Variants in C3orf22 observed in about 807,000 individuals in gnomAD.
C3orf22 encodes the protein uncharacterized protein C3orf22.
C3orf22 carries 7 observed loss-of-function variants against 10.8 expected under a neutral mutation model. The observed-to-expected ratio is 0.65, with a 90% CI of 0.37 to 1.22. The LOEUF (loss-of-function observed/expected upper bound fraction) is 1.22. Among genes scored for constraint, C3orf22 ranks in the 50% most tolerant of loss-of-function variants. The pLI, the probability that C3orf22 is intolerant of heterozygous loss-of-function variation, is 0.02. For synonymous variants in C3orf22, 79 were observed against 78.9 expected (o/e 1.00, Z 0.00); for missense variants, 173 against 177.0 (o/e 0.98, Z 0.13).
intron 4 of C3orf22, among the ~76,000 whole-genome samples, chr3:126,540,830 C>T (rs1165422735): frequency 6.6e-6 from 1 of 152,242 alleles, no homozygotes; most frequent in Non-Finnish European, 1.5e-5. Flanking sequence ...CCACCAGCAA[C>T]TCGTGAAAGC....
chr3:126,539,988 G>T (rs1312694390), intron 4 of C3orf22, among the ~76,000 whole-genome samples: 1 of 72,904 alleles, frequency 1.4e-5, no homozygotes, highest in Non-Finnish European at 2.9e-5. Flanking sequence ...ACACACGCAT[G>T]ACACACACAC....
chr3:126,543,606 G>A (rs1485539466), intron 4 of C3orf22, among the ~76,000 whole-genome samples: 1 of 152,192 alleles, frequency 6.6e-6, no homozygotes, highest in Non-Finnish European at 1.5e-5. Context: ...CCAAGCCCTG[G>A]GCCTTGTGCT....
At chr3:126,547,513 A>G (rs1157474391), downstream of C3orf22, among the ~76,000 whole-genome samples, 1 of 152,214 alleles carries the variant, frequency 6.6e-6, no homozygotes, top group East Asian at 1.9e-4. Flanking sequence ...GTATGTTTTT[A>G]TAATTGACTC....
intron 3 of C3orf22, among the ~76,000 whole-genome samples, chr3:126,551,589 G>GTCCC (rs769681050): frequency 6.6e-6 from 1 of 152,184 alleles, no homozygotes; most frequent in Non-Finnish European, 1.5e-5. Context: ...CAGTGCAGAG[G>GTCCC]TCCCTGCCAG....
chr3:126,531,558 G>A (rs1442360277), intron 4 of C3orf22, among the ~76,000 whole-genome samples: 4 of 152,146 alleles, frequency 2.6e-5, no homozygotes, highest in Admixed American at 6.5e-5. Flanking sequence ...AAATGGAATC[G>A]TGTCTTAGCT....
chr3:126,549,784 C>T lies in C3orf22; in HGVS notation c.*84G>A, dbSNP rs1937137781. ...CTATGATGGCCATGAAGGCTGATCC[C>T]TTTACTAAAGTCTCTGTGGCTACTG... On this transcript the variant is annotated 3_prime_UTR_variant, in exon 4 of 4. Coordinates refer to ENST00000318225, the MANE Select transcript of C3orf22 (RefSeq NM_152533.3). 3 of 1,524,694 alleles carry T rather than the reference C, an allele frequency of 2.0e-6. No homozygotes were observed. Among genetic ancestry groups the T allele is most frequent in the Admixed American group, 2.1e-5 (1 of 48,416 alleles). The allele number at this position is 1,524,694 out of a possible 1,614,324, so 94.4% of individuals were successfully genotyped here.
chr3:126,527,090 C>T (rs1426154348), exon 6 of C3orf22: 1 of 152,320 alleles, frequency 6.6e-6, no homozygotes, highest in East Asian at 1.9e-4. Context: ...TGGCACCAGC[C>T]CCCTTCCCCT....
downstream of C3orf22, chr3:126,549,618 A>G: frequency 6.9e-7 from 1 of 1,439,824 alleles, no homozygotes; most frequent in Non-Finnish European, 9.3e-7. Context: ...CTGCAAGATT[A>G]AACATTATTA....
At chr3:126,546,138 G>A (rs759028938), downstream of C3orf22, among the ~76,000 whole-genome samples, 21 of 152,152 alleles carry the variant, frequency 1.4e-4, no homozygotes, top group Admixed American at 1.3e-4. Context: ...GCCTCAATGC[G>A]CTCCCTAGCA....
chr3:126,549,900 T>A lies in C3orf22; in HGVS notation c.394A>T (p.Lys132Ter). 1 of 1,613,902 alleles carries A rather than the reference T, an allele frequency of 6.2e-7. No individual in the cohort carries two copies. The change falls in exon 4 of 4, where the codon AAG becomes TAG. Residue 132 changes from lysine (K) to a stop codon, truncating the protein, a stop_gained. Coordinates refer to ENST00000318225, the MANE Select transcript of C3orf22 (RefSeq NM_152533.3). LOFTEE classifies it low-confidence loss of function (END_TRUNC). ...AGGCCCCTGGACAGCCCTGCCGCCT[T>A]GCTGGTCTGGGGGCAGGCAGCCTCA... ...HTEAACPQTS[K>*]AAGLSRGLS
chr3:126,541,707 C>G (rs1936959617), intron 4 of C3orf22: 1 of 1,429,192 alleles, frequency 7.0e-7, no homozygotes, highest in South Asian at 1.5e-5. Context: ...GACGCGTCCC[C>G]CTGTCCCGTC....
chr3:126,557,033 C>T (rs1211240153), intron 1 of C3orf22, among the ~76,000 whole-genome samples: 1 of 151,504 alleles, frequency 6.6e-6, no homozygotes, highest in East Asian at 1.9e-4. Context: ...CTCACATACA[C>T]ATACACAGAT....
chr3:126,534,662 A>G (rs564974041), intron 4 of C3orf22, among the ~76,000 whole-genome samples: 2 of 147,502 alleles, frequency 1.4e-5, no homozygotes, highest in South Asian at 4.3e-4. Context: ...GATAGACAGC[A>G]TTGCTGTCCT....
chr3:126,553,354 T>G lies in C3orf22; in HGVS notation c.37A>C (p.Lys13Gln). 6.2e-7 allele frequency: 1 copy of G among 1,614,092 alleles called. No homozygotes were observed. Among genetic ancestry groups the G allele is most frequent in the East Asian group, 2.2e-5 (1 of 44,862 alleles). ...SSACKKSHQS[K>Q]KWRIQAQENF... ...TCCTGGGCCTGGATCCTCCACTTCTTACTCTGGTGAGACTTCTTGCAGGCA... is the reference window on the plus strand; with the variant it reads ...TCCTGGGCCTGGATCCTCCACTTCTGACTCTGGTGAGACTTCTTGCAGGCA... Residue 13 changes from lysine to glutamine, a missense_variant, in exon 2 of 4, where the codon AAG becomes CAG. Lys to Gln is a moderately conservative substitution (Grantham distance 53). Coordinates refer to ENST00000318225, the MANE Select transcript of C3orf22 (RefSeq NM_152533.3).
At chr3:126,536,277 G>A (rs372803956) in intron 4 of C3orf22, 30 of 1,613,568 alleles carry the variant, frequency 1.9e-5, no homozygotes, top group Non-Finnish European at 2.4e-5. Flanking sequence ...ACAGCATTTG[G>A]AAACAGAGCC....
intron 4 of C3orf22, among the ~76,000 whole-genome samples, chr3:126,539,867 CCACACACA>C (rs1936908890): frequency 3.9e-3 from 1 of 254 alleles, no homozygotes; most frequent in African/African-American, 0.02. Context: ...ACACCCCACA[CCACACACA>C]CACACAAACA....
intron 1 of C3orf22, among the ~76,000 whole-genome samples, chr3:126,554,303 C>A (rs1392681280): frequency 6.8e-6 from 1 of 146,276 alleles, no homozygotes; most frequent in African/African-American, 2.5e-5. Flanking sequence ...TCGCTCTCGT[C>A]CCCAGGCTGG....
At chr3:126,556,113 G>T (rs1186282692) in intron 1 of C3orf22, among the ~76,000 whole-genome samples, 4 of 152,236 alleles carry the variant, frequency 2.6e-5, no homozygotes, top group Non-Finnish European at 4.4e-5. Flanking sequence ...CTGCATGCCA[G>T]TGAGGACCTG....
chr3:126,551,229 T>A (rs779414475), intron 3 of C3orf22, among the ~76,000 whole-genome samples: 5 of 150,546 alleles, frequency 3.3e-5, no homozygotes, highest in Non-Finnish European at 5.9e-5. Context: ...ACAATGGGCA[T>A]GGAAAAGTCA....
Sources: allele counts gnomAD v4.1 joint callset (sites outside exome capture counted in the v4.1 genomes callset), GRCh38; gene constraint gnomAD v4.1.1; transcripts MANE v1.5; gene names NCBI Gene and HGNC (gene_info 2026-07-23, HGNC 2026-07-21).